The following TPTE variants were observed in gnomAD, a reference collection of about 807,000 sequenced individuals.
TPTE encodes the protein transmembrane phosphatase with tensin homology.
TPTE carries 59 observed loss-of-function variants against 84.1 expected under a neutral mutation model. The ratio of observed to expected loss-of-function variants is 0.70; its 90% confidence interval spans 0.57 to 0.87. The LOEUF is 0.87. TPTE is among the 40% of genes least tolerant of loss of function. TPTE has a pLI of 0.00. For synonymous variants in TPTE, 130 were observed against 223.5 expected (o/e 0.58, Z 3.73); for missense variants, 382 against 659.6 (o/e 0.58, Z 4.61).
chr21:10,583,242 T>G (rs1439402822), intron 17 of TPTE, among the ~76,000 whole-genome samples: 1 of 152,312 alleles, frequency 6.6e-6, no homozygotes, highest in African/African-American at 2.4e-5. Context: ...CCCCAATACT[T>G]GCAATTCTGA....
intron 19 of TPTE, 89 bp downstream of exon 19, chr21:10,592,462 C>G (rs2075499242): frequency 6.6e-7 from 1 of 1,524,918 alleles, no homozygotes; most frequent in East Asian, 2.3e-5. Flanking sequence ...GACTCCTCTC[C>G]TTTGGTGATC....
At chr21:10,550,826 TTATC>T (rs1404559438) in intron 7 of TPTE, among the ~76,000 whole-genome samples, 95 of 152,370 alleles carry the variant, frequency 6.2e-4, no homozygotes, top group African/African-American at 2.2e-3. Flanking sequence ...ACATGAAACA[TTATC>T]TAAGATAGAC....
At chr21:10,585,267 AAAAAG>A (rs1342517943) in intron 17 of TPTE, among the ~76,000 whole-genome samples, 1 of 152,294 alleles carries the variant, frequency 6.6e-6, no homozygotes, top group Non-Finnish European at 1.5e-5. Context: ...GAAAGAAAGA[AAAAAG>A]AAATTCGTTT....
chr21:10,562,279 C>A lies in TPTE; in HGVS notation c.446+1088C>A, dbSNP rs1415735706. On this transcript the variant is annotated intron_variant, in intron 10 of 23. Transcript: ENST00000618007. ...CCCAAGAAAGATGGGTACAAACAAG[C>A]CCTGACAGTGAAAACTACAATAAAT... is the stretch of plus-strand genomic sequence containing the variant. 2.6e-5 allele frequency among the ~76,000 whole-genome samples: 4 copies of A among 152,422 alleles called. No homozygotes were observed. In the East Asian group the frequency reaches 5.8e-4, roughly 22 times the overall value.
At chr21:10,590,549 G>T in intron 18 of TPTE, 26 bp downstream of exon 18, 1 of 1,613,532 alleles carries the variant, frequency 6.2e-7, no homozygotes, top group Non-Finnish European at 8.5e-7. Context: ...TACAAACTTT[G>T]TCTTAGGATG....
intron 21 of TPTE, among the ~76,000 whole-genome samples, chr21:10,599,778 G>A (rs541683793): frequency 4.3e-4 from 66 of 152,304 alleles, no homozygotes; most frequent in African/African-American, 1.5e-3. Context: ...ATCCCTTTTG[G>A]CTCTTGGAAC....
At chr21:10,566,353 A>C (rs2074920884) in intron 10 of TPTE, among the ~76,000 whole-genome samples, 1 of 152,308 alleles carries the variant, frequency 6.6e-6, no homozygotes, top group Admixed American at 6.5e-5. Context: ...AAGTCAGGCA[A>C]TAACAAATCC....
chr21:10,597,866 C>G (rs1413179877), intron 20 of TPTE, 149 bp from the exon 21 acceptor site: 1 of 1,144,880 alleles, frequency 8.7e-7, no homozygotes. Context: ...CTTTCAAAGA[C>G]AAAATCCATG....
chr21:10,602,496 TA>T (rs1285795228), intron 22 of TPTE, among the ~76,000 whole-genome samples: 1 of 152,310 alleles, frequency 6.6e-6, no homozygotes, highest in Non-Finnish European at 1.5e-5. Context: ...GCATCTTTTT[TA>T]AAAAATTAAG....
In TPTE at chr21:10,569,549, A is replaced by C. The variant is rs762099613; in HGVS notation, c.666+13A>C. 1 of 1,613,858 alleles carries C rather than the reference A, an allele frequency of 6.2e-7. No individual in the cohort carries two copies. Among genetic ancestry groups the C allele is most frequent in the South Asian group, 1.1e-5 (1 of 91,056 alleles). ...GATAAGAAGGCGGGTAAGTGGGCAAAACATGCTTATGATTCACAAAAATAT... is the reference window on the plus strand; with the variant it reads ...GATAAGAAGGCGGGTAAGTGGGCAACACATGCTTATGATTCACAAAAATAT... On this transcript the variant is annotated intron_variant, in intron 12 of 23. Transcript: ENST00000618007.
At chr21:10,549,196 C>G (rs2074527209) in intron 7 of TPTE, among the ~76,000 whole-genome samples, 1 of 152,426 alleles carries the variant, frequency 6.6e-6, no homozygotes, top group East Asian at 1.9e-4. Flanking sequence ...CCCCAATGAA[C>G]TGACATCCAA....
intron 21 of TPTE, among the ~76,000 whole-genome samples, chr21:10,600,855 T>C (rs1978395255): frequency 6.6e-6 from 1 of 152,310 alleles, no homozygotes; most frequent in Non-Finnish European, 1.5e-5. Context: ...GGTTACTCCA[T>C]CCAGCAGCCT....
chr21:10,601,508 A>T (rs371971558), intron 21 of TPTE, among the ~76,000 whole-genome samples: 3 of 152,382 alleles, frequency 2.0e-5, no homozygotes, highest in Middle Eastern at 3.4e-3. Flanking sequence ...AACAAAAAAA[A>T]AAGAAAAGAA....
chr21:10,603,821 C>T (rs1282039951), intron 23 of TPTE, among the ~76,000 whole-genome samples, 189 bp downstream of exon 23: 1 of 152,310 alleles, frequency 6.6e-6, no homozygotes, highest in African/African-American at 2.4e-5. Context: ...TTCTTGAGAC[C>T]CACTGTTGCA....
At chr21:10,584,333 C>A (rs1276998595) in intron 17 of TPTE, among the ~76,000 whole-genome samples, 1 of 148,988 alleles carries the variant, frequency 6.7e-6, no homozygotes, top group Admixed American at 6.6e-5. Context: ...CTTTCCTAAA[C>A]TCACTTTTTT....
chr21:10,537,896 A>G (rs373493459), intron 3 of TPTE, among the ~76,000 whole-genome samples: 1,882 of 151,626 alleles, frequency 0.012, no homozygotes, highest in South Asian at 0.062. Flanking sequence ...ACTTTGACAC[A>G]TGTGTCTGCA....
At chr21:10,544,012 A>G (rs1334642193) in intron 7 of TPTE, among the ~76,000 whole-genome samples, 1 of 152,426 alleles carries the variant, frequency 6.6e-6, no homozygotes, top group Non-Finnish European at 1.5e-5. Context: ...CGGGTACTTC[A>G]CTGTGTCTCA....
intron 21 of TPTE, among the ~76,000 whole-genome samples, chr21:10,598,756 C>T (rs1206317880): frequency 6.6e-6 from 1 of 152,308 alleles, no homozygotes; most frequent in Non-Finnish European, 1.5e-5. Flanking sequence ...TTTTCTGAAA[C>T]AGAAAGCATC....
chr21:10,570,019 T>A (rs2075010181), intron 13 of TPTE, among the ~76,000 whole-genome samples: 1 of 152,310 alleles, frequency 6.6e-6, no homozygotes, highest in African/African-American at 2.4e-5. Context: ...CTCTAGTAGT[T>A]ATTTCTGAGT....
Sources: allele counts gnomAD v4.1 joint callset (sites outside exome capture counted in the v4.1 genomes callset), GRCh38; gene constraint gnomAD v4.1.1; transcripts MANE v1.5; gene names NCBI Gene and HGNC (gene_info 2026-07-23, HGNC 2026-07-21).